Variants in RAB33A observed in about 807,000 individuals in gnomAD.
The protein encoded by RAB33A is RAB33A, member RAS oncogene family.
A neutral mutation model predicts 12.0 loss-of-function variants in RAB33A; 6 were observed. The ratio of observed to expected loss-of-function variants is 0.50; its 90% CI spans 0.27 to 0.99. RAB33A has a LOEUF of 0.99. Ranked by LOEUF, RAB33A falls within the 50% of genes least tolerant of loss-of-function variation. The pLI is 0.11. For missense variants in RAB33A, 109 were observed against 192.0 expected (o/e 0.57, Z 2.55); for synonymous variants, 70 against 82.4 (o/e 0.85, Z 0.81).
At chrX:130,153,344 C>T in the RAB33A span, among the ~76,000 whole-genome samples, 5 of 75,239 alleles carry the variant, frequency 6.6e-5, no homozygotes, top group Non-Finnish European at 9.7e-5. Context: ...CACAGAGAGA[C>T]TCCGTTTCAA....
the RAB33A span, among the ~76,000 whole-genome samples, chrX:130,118,771 C>T: frequency 9.0e-6 from 1 of 110,912 alleles, no homozygotes; most frequent in South Asian, 3.8e-4. Context: ...ATGTGCGTGT[C>T]TGTGTGGGTC....
At chrX:130,153,465 T>A in the RAB33A span, among the ~76,000 whole-genome samples, 1 of 111,024 alleles carries the variant, frequency 9.0e-6, no homozygotes, top group Non-Finnish European at 1.9e-5. Context: ...TAGTTATACT[T>A]AAGTTAGGAA....
At chrX:130,171,084 T>C (rs1251685659), upstream of RAB33A, among the ~76,000 whole-genome samples, 5 of 113,067 alleles carry the variant, frequency 4.4e-5, no homozygotes, top group Non-Finnish European at 9.4e-5. Flanking sequence ...TAAGGGGATG[T>C]TGGCGCCTGG....
chrX:130,155,280 T>C, the RAB33A span: 2 of 1,209,986 alleles, frequency 1.7e-6, no homozygotes, highest in African/African-American at 3.5e-5. Flanking sequence ...GTGATGAGAC[T>C]GCACAACTGT....
chrX:130,117,543 A>G, the RAB33A span, among the ~76,000 whole-genome samples: 3 of 111,840 alleles, frequency 2.7e-5, no homozygotes, highest in Admixed American at 9.5e-5. Flanking sequence ...TGGGAGATGG[A>G]AAGACACAAA....
chrX:130,172,956 TG>T (rs1250524126), intron 1 of RAB33A, among the ~76,000 whole-genome samples: 6 of 111,759 alleles, frequency 5.4e-5, no homozygotes, highest in Admixed American at 1.9e-4. Flanking sequence ...AGACAAAACT[TG>T]TTTTTTTGTA....
chrX:130,123,584 C>A, the RAB33A span, among the ~76,000 whole-genome samples: 1 of 107,060 alleles, frequency 9.3e-6, no homozygotes, highest in African/African-American at 3.4e-5. Context: ...GTAATCTCAG[C>A]TATTCGGGAG....
At chrX:130,159,121 C>T in the RAB33A span, among the ~76,000 whole-genome samples, 2 of 111,881 alleles carry the variant, frequency 1.8e-5, no homozygotes, top group African/African-American at 3.3e-5. Flanking sequence ...TATGACCAAT[C>T]ACGCTAAGTG....
chrX:130,151,113 C>T, the RAB33A span, among the ~76,000 whole-genome samples: 3 of 108,264 alleles, frequency 2.8e-5, no homozygotes, highest in Non-Finnish European at 3.8e-5. Context: ...AAAGTAAAGA[C>T]AATCAGAGGA....
chrX:130,150,977 CAA>C, the RAB33A span, among the ~76,000 whole-genome samples: 6 of 27,793 alleles, frequency 2.2e-4, 1 homozygote, highest in African/African-American at 5.3e-4. Context: ...GACTCTGTCT[CAA>C]AAAAAAAAAA....
At chrX:130,138,232 A>G in the RAB33A span, among the ~76,000 whole-genome samples, 19 of 111,257 alleles carry the variant, frequency 1.7e-4, no homozygotes, top group East Asian at 8.5e-4. Context: ...TTGGGAGGCC[A>G]AGGTGGGCGG....
At chrX:130,146,451 A>ATGTGTGTGTGTGTGTGTGTGTG in the RAB33A span, among the ~76,000 whole-genome samples, 4 of 89,435 alleles carry the variant, frequency 4.5e-5, no homozygotes, top group African/African-American at 1.7e-4. Context: ...CTCTCAAAAT[A>ATGTGTGTGTGTGTGTGTGTGTG]TGTGTGTGTG....
chrX:130,176,711 G>A (rs1214472261), intron 1 of RAB33A, among the ~76,000 whole-genome samples: 5 of 112,005 alleles, frequency 4.5e-5, no homozygotes. Flanking sequence ...CTTTCTGTGT[G>A]TGAGTTTCTC....
At chrX:130,131,644 C>T in the RAB33A span, 2 of 1,209,620 alleles carry the variant, frequency 1.7e-6, no homozygotes, top group African/African-American at 1.7e-5. Flanking sequence ...CTTCTCAACA[C>T]TCTCCAAGAG....
At chrX:130,118,238 C>T in the RAB33A span, among the ~76,000 whole-genome samples, 1 of 112,567 alleles carries the variant, frequency 8.9e-6, no homozygotes, top group African/African-American at 3.2e-5. Context: ...ACTGGGACAC[C>T]ACAGGGGACC....
At position 130,172,390 on chromosome X, in the gene RAB33A, C is replaced by T. The variant is rs1021728943; in HGVS notation, c.258+70C>T. Reference sequence around the variant, plus strand: ...GACCTCGCCCGAGGCATAGCTCTAGCGGTTGTCGTCGTCCAGCGTCCAGCG... The same window carrying T: ...GACCTCGCCCGAGGCATAGCTCTAGTGGTTGTCGTCGTCCAGCGTCCAGCG... On this transcript the variant is annotated intron_variant, in intron 1 of 1. Coordinates refer to ENST00000257017, the MANE Select transcript of RAB33A (RefSeq NM_004794.3). The T allele has an allele frequency of 3.6e-6, 4 of 1,115,856 alleles. No individual in the cohort carries two copies. The African/African-American group carries it at 7.4e-5, about 21-fold the overall frequency. The allele number at this position is 1,115,856 out of a possible 1,213,427, so 92.0% of individuals were successfully genotyped here. A position where few individuals can be genotyped will look rare whatever the true frequency, so the allele number is the denominator to read the frequency against.
chrX:130,130,674 C>G, the RAB33A span, among the ~76,000 whole-genome samples: 1 of 112,609 alleles, frequency 8.9e-6, no homozygotes, highest in Admixed American at 9.4e-5. Context: ...CTGGACAGAG[C>G]AGAGATGGAA....
the RAB33A span, chrX:130,155,328 A>C: frequency 8.4e-7 from 1 of 1,189,576 alleles, no homozygotes. Context: ...AAAAGGAAAC[A>C]GAGTACTAAG....
intron 1 of RAB33A, among the ~76,000 whole-genome samples, chrX:130,175,492 CTTTTT>C (rs5903795): frequency 1.3e-5 from 1 of 75,586 alleles, no homozygotes; most frequent in Admixed American, 1.6e-4. Flanking sequence ...ACTGGGTTTA[CTTTTT>C]TTTTTTTTTT....
Sources: gnomAD v4.1 joint callset for allele counts (sites outside exome capture counted in the v4.1 genomes callset) on GRCh38, gnomAD v4.1.1 for gene constraint, MANE v1.5 for transcripts, NCBI Gene and HGNC (gene_info 2026-07-23, HGNC 2026-07-21) for gene names.